TRIM24: variants seen among roughly 807,000 people sequenced by gnomAD.
TRIM24 encodes tripartite motif containing 24, also known as transcription intermediary factor 1-alpha.
A neutral mutation model predicts 123.9 loss-of-function variants in TRIM24; 29 were observed. The observed-to-expected ratio is 0.23, with a 90% CI of 0.17 to 0.32. The LOEUF (loss-of-function observed/expected upper bound fraction) is 0.32. TRIM24 is among the 10% of genes least tolerant of loss of function. TRIM24 has a pLI of 1.00. For synonymous variants in TRIM24, 456 were observed against 461.1 expected, an observed-to-expected ratio of 0.99 and a Z score of 0.14; for missense variants, 932 against 1,295.3, an observed-to-expected ratio of 0.72 and a Z score of 4.31.
At position 138,481,369 on chromosome 7, in the gene TRIM24, C is replaced by T. The variant is rs1057453764; in HGVS notation, c.364+20457C>T. On this transcript the variant is annotated intron_variant, in intron 1 of 18. Coordinates refer to ENST00000343526, the MANE Select transcript of TRIM24 (RefSeq NM_015905.3). ...CCAAATATCTGGGATGACAAGTATG[C>T]GCCACCGTGTCTGGCTATTTTAATT... is the stretch of plus-strand genomic sequence containing the variant. Among the ~76,000 whole-genome samples the T allele has an allele frequency of 2.6e-4, 40 of 152,152 alleles. No individual in the cohort carries two copies. The East Asian group carries it at 2.7e-3, about 10-fold the overall frequency.
At chr7:138,509,294 G>GA (rs1043570355) in intron 2 of TRIM24, among the ~76,000 whole-genome samples, 2 of 147,620 alleles carry the variant, frequency 1.4e-5, no homozygotes, top group Non-Finnish European at 3.0e-5. Flanking sequence ...TTTTCTCTAG[G>GA]AAAAAAAAGT....
intron 9 of TRIM24, among the ~76,000 whole-genome samples, chr7:138,561,126 T>G (rs902562100): frequency 1.3e-5 from 2 of 152,194 alleles, no homozygotes; most frequent in Non-Finnish European, 2.9e-5. Context: ...TGACTTTTTT[T>G]GTCTTTTGCT....
chr7:138,550,539 C>T (rs567326048), intron 7 of TRIM24, among the ~76,000 whole-genome samples: 92 of 152,014 alleles, frequency 6.1e-4, no homozygotes, highest in African/African-American at 2.1e-3. Flanking sequence ...ATGACTGCAG[C>T]GTGGAGGAAA....
intron 6 of TRIM24, among the ~76,000 whole-genome samples, chr7:138,532,975 A>G (rs1404604938): frequency 6.6e-6 from 1 of 152,126 alleles, no homozygotes; most frequent in Non-Finnish European, 1.5e-5. Flanking sequence ...CTTCGAAGCA[A>G]TTGTGAATGG....
At chr7:138,574,226 A>C (rs1217948818) in intron 12 of TRIM24, among the ~76,000 whole-genome samples, 6 of 152,230 alleles carry the variant, frequency 3.9e-5, no homozygotes, top group Admixed American at 3.9e-4. Flanking sequence ...GACAATAAGT[A>C]GCAATCACTC....
At chr7:138,584,058 A>G (rs1299284705) in intron 18 of TRIM24, 59 bp downstream of exon 18, 14 of 1,539,096 alleles carry the variant, frequency 9.1e-6, no homozygotes, top group Non-Finnish European at 1.1e-5. Context: ...TCATTTTATT[A>G]CTAAACACCT....
chr7:138,567,778 T>A, intron 10 of TRIM24, 124 bp downstream of exon 10: 1 of 1,041,370 alleles, frequency 9.6e-7, no homozygotes, highest in Non-Finnish European at 1.3e-6. Context: ...TTTCATTTTT[T>A]AAATAAATGT....
rs540685361 is a variant in TRIM24, at chr7:138,500,016, A to G, written c.365-4274A>G. Among the ~76,000 whole-genome samples, 15 of 152,164 alleles carry G rather than the reference A, an allele frequency of 9.9e-5. 1 individual carries two copies. The highest frequency in any genetic ancestry group is 2.2e-4 in the Non-Finnish European group (15 of 68,048). On this transcript the variant is annotated intron_variant, in intron 1 of 18. Transcript: ENST00000343526. ...AAAGTTGCTGGATTGGTGGTGATCC[A>G]TATCATGATCCTGTCATTTAACTCA...
intron 17 of TRIM24, 130 bp downstream of exon 17, chr7:138,581,901 A>G: frequency 1.5e-6 from 1 of 661,382 alleles, no homozygotes; most frequent in South Asian, 2.4e-5. Flanking sequence ...AATAATACAT[A>G]CTGAATGCTT....
chr7:138,468,223 G>A (rs1795193661), intron 1 of TRIM24, among the ~76,000 whole-genome samples: 1 of 152,076 alleles, frequency 6.6e-6, no homozygotes, highest in South Asian at 2.1e-4. Context: ...GATGAATTTT[G>A]CCATGTACTT....
At chr7:138,543,290 A>G (rs1797039486) in intron 7 of TRIM24, among the ~76,000 whole-genome samples, 1 of 152,210 alleles carries the variant, frequency 6.6e-6, no homozygotes, top group South Asian at 2.1e-4. Flanking sequence ...CAGTATTACC[A>G]TATTCTTGGT....
In TRIM24 at chr7:138,505,509, GGTTGTTGTTGTT is replaced by G. The variant is rs59585473; in HGVS notation, c.483+1136_483+1147del. ...GCTTCATTTGTTTTTTGGGGGTGGT[GGTTGTTGTTGTT>G]GTTGTTGTTGTTGTTGTTGTTGTTG... On this transcript the variant is annotated intron_variant, in intron 2 of 18. Transcript: ENST00000343526. 2.9e-3 allele frequency among the ~76,000 whole-genome samples: 412 copies of G among 143,930 alleles called. 2 individuals are homozygous for G. In the East Asian group the frequency reaches 0.029, roughly 10 times the overall value. 94.4% of individuals were successfully genotyped at this position (143,930 alleles called of 152,430 possible). A position where few individuals can be genotyped will look rare whatever the true frequency, so the allele number is the denominator to read the frequency against.
intron 1 of TRIM24, among the ~76,000 whole-genome samples, chr7:138,469,325 T>C (rs1342548536): frequency 6.6e-6 from 1 of 151,900 alleles, no homozygotes; most frequent in East Asian, 1.9e-4. Context: ...CTTGACCCCT[T>C]TCTCAATTTT....
At chr7:138,478,406 C>T (rs1320514883) in intron 1 of TRIM24, among the ~76,000 whole-genome samples, 7 of 152,228 alleles carry the variant, frequency 4.6e-5, no homozygotes, top group African/African-American at 1.7e-4. Flanking sequence ...CTCTGGAAGG[C>T]TGAGGCAGGA....
chr7:138,519,033 T>C (rs959428769), intron 3 of TRIM24, among the ~76,000 whole-genome samples, 156 bp from the exon 4 acceptor site: 1 of 152,224 alleles, frequency 6.6e-6, no homozygotes, highest in Non-Finnish European at 1.5e-5. Flanking sequence ...ATATGTGATA[T>C]CTTAATATCT....
intron 12 of TRIM24, among the ~76,000 whole-genome samples, chr7:138,575,182 A>T (rs1013403491): frequency 6.6e-6 from 1 of 152,184 alleles, no homozygotes; most frequent in African/African-American, 2.4e-5. Context: ...AATCAACCTT[A>T]GCAGTGTTTA....
chr7:138,580,162 C>T (rs1797862897), intron 15 of TRIM24, among the ~76,000 whole-genome samples: 1 of 152,008 alleles, frequency 6.6e-6, no homozygotes, highest in African/African-American at 2.4e-5. Context: ...TCTTGGAAGG[C>T]CATACTTTTG....
intron 6 of TRIM24, among the ~76,000 whole-genome samples, chr7:138,531,195 ATG>A (rs1563049000): frequency 2.4e-5 from 1 of 42,458 alleles, no homozygotes; most frequent in Non-Finnish European, 6.0e-5. Flanking sequence ...ATATGTATAC[ATG>A]TATACATGTA....
chr7:138,534,014 T>C (rs1282586717), intron 6 of TRIM24, among the ~76,000 whole-genome samples: 3 of 152,232 alleles, frequency 2.0e-5, no homozygotes, highest in African/African-American at 7.2e-5. Context: ...GAGGTGTTTA[T>C]AGTATTCTCT....
Sources: gnomAD v4.1 joint callset for allele counts (sites outside exome capture counted in the v4.1 genomes callset) on GRCh38, gnomAD v4.1.1 for gene constraint, MANE v1.5 for transcripts, NCBI Gene and HGNC (gene_info 2026-07-23, HGNC 2026-07-21) for gene names.